The following CHRNA9 variants were observed in gnomAD, a reference collection of about 807,000 sequenced individuals.
CHRNA9 encodes cholinergic receptor nicotinic alpha 9 subunit, also known as neuronal acetylcholine receptor subunit alpha-9.
CHRNA9 carries 24 observed loss-of-function variants against 36.8 expected under a neutral mutation model. The ratio of observed to expected loss-of-function variants is 0.65; its 90% confidence interval spans 0.47 to 0.92. CHRNA9 has a LOEUF of 0.92. CHRNA9 is among the 40% of genes least tolerant of loss of function. The pLI, the probability that CHRNA9 is intolerant of heterozygous loss-of-function variation, is 0.00. For missense variants in CHRNA9, 610 were observed against 601.2 expected (o/e 1.01, Z -0.15); for synonymous variants, 231 against 231.8 (o/e 1.00, Z 0.03).
Position 40,341,612 on chromosome 4 carries a change from A to G in CHRNA9, c.365+4248A>G, listed in dbSNP as rs1414288738. Reference sequence around the variant, plus strand: ...AGGGCGCAACCAATGGGAAACGTCTAGAGGGTACTTAAACCCCAGAAGATT... The same window carrying G: ...AGGGCGCAACCAATGGGAAACGTCTGGAGGGTACTTAAACCCCAGAAGATT... On this transcript the variant is annotated intron_variant, in intron 3 of 4. Transcript: ENST00000310169. 2.0e-5 allele frequency among the ~76,000 whole-genome samples: 3 copies of G among 152,228 alleles called. No individual in the cohort carries two copies. The East Asian group carries it at 5.8e-4, about 29-fold the overall frequency.
chr4:40,346,429 C>T (rs1712639181), intron 3 of CHRNA9, among the ~76,000 whole-genome samples: 2 of 152,148 alleles, frequency 1.3e-5, no homozygotes, highest in African/African-American at 2.4e-5. Flanking sequence ...TGGAGTAGGC[C>T]ATCTATTTCC....
chr4:40,346,816 TG>T (rs200073110), intron 3 of CHRNA9, among the ~76,000 whole-genome samples: 4 of 152,128 alleles, frequency 2.6e-5, no homozygotes, highest in South Asian at 2.1e-4. Flanking sequence ...TTTATTTTTT[TG>T]TTGTTGTTGT....
At chr4:40,348,844 C>G in intron 3 of CHRNA9, 38 bp from the exon 4 acceptor site, 1 of 1,594,136 alleles carries the variant, frequency 6.3e-7, no homozygotes, top group East Asian at 2.2e-5. Flanking sequence ...GCAAGTTCTC[C>G]TAGCATGCGG....
rs201573325 is a variant in CHRNA9 at position 40,348,928 on chromosome 4, C to T, written c.412C>T (p.Arg138Trp). 154 of 1,614,126 alleles carry T rather than the reference C, an allele frequency of 9.5e-5. No homozygotes were observed. The highest frequency in any genetic ancestry group is 1.1e-4 in the Non-Finnish European group (134 of 1,180,012). Residue 138 changes from arginine to tryptophan, a missense_variant, in exon 4 of 5, where the codon CGG becomes TGG. Transcript: ENST00000310169. Reference protein sequence around the residue: ...SEPVNTNVVLRYDGLITWDAP... With the variant: ...SEPVNTNVVLWYDGLITWDAP... ...GCCTGTGAACACCAATGTGGTCCTG[C>T]GGTATGATGGGCTGATCACCTGGGA...
At chr4:40,346,925 C>T (rs1293755553) in intron 3 of CHRNA9, among the ~76,000 whole-genome samples, 2 of 152,202 alleles carry the variant, frequency 1.3e-5, no homozygotes, top group South Asian at 2.1e-4. Flanking sequence ...ATTCTCTTGC[C>T]TCAGCCTCCC....
chr4:40,340,973 CAAAAA>C (rs543449903), intron 3 of CHRNA9, among the ~76,000 whole-genome samples: 17 of 64,976 alleles, frequency 2.6e-4, no homozygotes, highest in East Asian at 1.3e-3. Flanking sequence ...ATAAGCTCTC[CAAAAA>C]AAAAAAAAAA....
intron 3 of CHRNA9, among the ~76,000 whole-genome samples, chr4:40,347,576 C>T (rs934730958): frequency 6.6e-6 from 1 of 151,718 alleles, no homozygotes; most frequent in East Asian, 1.9e-4. Context: ...TATTTTTTTG[C>T]AAGTTAACTT....
chr4:40,336,344 G>A (rs1167395384), intron 2 of CHRNA9, among the ~76,000 whole-genome samples: 1 of 152,186 alleles, frequency 6.6e-6, no homozygotes, highest in Non-Finnish European at 1.5e-5. Flanking sequence ...TAATGATTAC[G>A]GCGTTTCTTT....
At position 40,354,492 on chromosome 4, in the gene CHRNA9, C is replaced by G. The variant is rs976982211; in HGVS notation, c.1412C>G (p.Thr471Ser). 15 of 1,612,806 alleles carry G rather than the reference C, an allele frequency of 9.3e-6. No individual in the cohort carries two copies. The highest frequency in any genetic ancestry group is 2.2e-5 in the South Asian group (2 of 90,954). The change falls in exon 5 of 5, where the codon ACT (threonine) becomes AGT (serine). Residue 471 changes from threonine to serine, a missense_variant. Transcript: ENST00000310169. ...TTTTTCATTATGGTGTTTGTGATGA[C>G]TATTTTGATCATAGCAAGAGCGGAT... Reference protein sequence around the residue: ...WIFFIMVFVMTILIIARAD With the variant: ...WIFFIMVFVMSILIIARAD
intron 4 of CHRNA9, among the ~76,000 whole-genome samples, chr4:40,352,088 G>C (rs1015608734): frequency 1.3e-5 from 2 of 152,098 alleles, no homozygotes; most frequent in Non-Finnish European, 2.9e-5. Context: ...TTATTTTTGG[G>C]CCTGGAACAT....
intron 3 of CHRNA9, among the ~76,000 whole-genome samples, chr4:40,339,831 G>GTTT (rs144060870): frequency 3.5e-4 from 53 of 151,278 alleles, no homozygotes; most frequent in African/African-American, 1.2e-3. Context: ...CCTAGTTATT[G>GTTT]TTTTTTTTAA....
chr4:40,353,020 A>G (rs146170219), intron 4 of CHRNA9, among the ~76,000 whole-genome samples: 456 of 152,246 alleles, frequency 3.0e-3, no homozygotes, highest in Non-Finnish European at 5.1e-3. Context: ...GCCTCCTCAT[A>G]TTCCTGCGAG....
chr4:40,352,307 C>T (rs1274866152), intron 4 of CHRNA9, among the ~76,000 whole-genome samples: 3 of 152,158 alleles, frequency 2.0e-5, no homozygotes, highest in Non-Finnish European at 2.9e-5. Flanking sequence ...CTGCAACCTC[C>T]GACTCCTGGA....
At chr4:40,351,309 G>T (rs1190609849) in intron 4 of CHRNA9, among the ~76,000 whole-genome samples, 4 of 149,126 alleles carry the variant, frequency 2.7e-5, no homozygotes, top group Non-Finnish European at 4.4e-5. Flanking sequence ...TCCAACCTGG[G>T]GGACAGTGTG....
chr4:40,352,276 C>A (rs1192220980), intron 4 of CHRNA9, among the ~76,000 whole-genome samples: 1 of 152,188 alleles, frequency 6.6e-6, no homozygotes, highest in African/African-American at 2.4e-5. Flanking sequence ...GACTGGAGTG[C>A]AGTGGTGTAA....
At chr4:40,352,368 C>A (rs569547647) in intron 4 of CHRNA9, among the ~76,000 whole-genome samples, 5 of 152,152 alleles carry the variant, frequency 3.3e-5, no homozygotes, top group Non-Finnish European at 7.4e-5. Context: ...ATTACAGGCA[C>A]GTGCCAATAC....
chr4:40,336,973 T>G (rs543637472), intron 2 of CHRNA9, among the ~76,000 whole-genome samples: 3 of 152,300 alleles, frequency 2.0e-5, no homozygotes, highest in African/African-American at 7.2e-5. Context: ...TATGCAAAGA[T>G]ATCAATACTA....
Position 40,337,382 on chromosome 4 carries a change from CTG to C in CHRNA9, c.365+19_365+20del. The C allele has an allele frequency of 6.2e-7, 1 of 1,601,628 alleles. No homozygotes were observed. Among genetic ancestry groups the C allele is most frequent in the Non-Finnish European group, 8.5e-7 (1 of 1,170,858 alleles). On this transcript the variant is annotated intron_variant, in intron 3 of 4. Transcript: ENST00000310169. ...TATAACAAGTAAGTGCAGCTCAGAA[CTG>C]AGGCTTTTCAGGCATGAACGTGTTG...
intron 3 of CHRNA9, among the ~76,000 whole-genome samples, chr4:40,342,258 G>A (rs1712519033): frequency 6.6e-6 from 1 of 151,990 alleles, no homozygotes; most frequent in Non-Finnish European, 1.5e-5. Context: ...AAACAGGTTT[G>A]GAAAAAAAGA....
Sources: allele counts gnomAD v4.1 joint callset (sites outside exome capture counted in the v4.1 genomes callset), GRCh38; gene constraint gnomAD v4.1.1; transcripts MANE v1.5; gene names NCBI Gene and HGNC (gene_info 2026-07-23, HGNC 2026-07-21).